The following NTSR1 variants were observed in gnomAD, a reference collection of about 807,000 sequenced individuals.
The protein encoded by NTSR1 is neurotensin receptor 1, also known as neurotensin receptor type 1.
Under a neutral mutation model 31.2 loss-of-function variants are expected in NTSR1, and 29 were observed. The observed-to-expected ratio is 0.93, with a 90% CI of 0.69 to 1.27. The LOEUF (loss-of-function observed/expected upper bound fraction) is 1.27, where lower values mean the gene tolerates loss of function less well. Ranked by LOEUF, NTSR1 falls within the 50% of genes most tolerant of loss-of-function variation. NTSR1 has a pLI of 0.00. For missense variants in NTSR1, 697 were observed against 595.4 expected (o/e 1.17, Z -1.78); for synonymous variants, 282 against 269.9 (o/e 1.04, Z -0.44).
rs1465001230 is a variant in NTSR1, at chr20:62,760,409, C to T, written c.*142C>T. The T allele has an allele frequency of 5.1e-6, 4 of 782,360 alleles. No individual in the cohort carries two copies. The highest frequency in any genetic ancestry group is 7.8e-6 in the Non-Finnish European group (4 of 512,416). The allele number at this position is 782,360 out of a possible 1,614,324, so 48.5% of individuals were successfully genotyped here. A position where few individuals can be genotyped will look rare whatever the true frequency, so the allele number is the denominator to read the frequency against. ...TGGAGTCTGAGGCCTGGGACCCCCC[C>T]CTCCCACCCCCTAACCCATGTTTCT... On this transcript the variant is annotated 3_prime_UTR_variant, in exon 4 of 4. Coordinates refer to ENST00000370501, the MANE Select transcript of NTSR1 (RefSeq NM_002531.3).
chr20:62,755,002 A>G (rs955554530), intron 2 of NTSR1, 116 bp downstream of exon 2: 3 of 1,054,982 alleles, frequency 2.8e-6, no homozygotes, highest in Non-Finnish European at 4.0e-6. Context: ...TGGAGCTGTC[A>G]GGCCAAGACC....
At chr20:62,720,332 A>G (rs1034483849) in intron 1 of NTSR1, among the ~76,000 whole-genome samples, 4 of 152,270 alleles carry the variant, frequency 2.6e-5, no homozygotes, top group Non-Finnish European at 4.4e-5. Flanking sequence ...ATAAAGGAAT[A>G]TTCAGGTTAT....
chr20:62,726,787 G>A (rs1988914275), intron 1 of NTSR1, among the ~76,000 whole-genome samples: 1 of 152,170 alleles, frequency 6.6e-6, no homozygotes, highest in South Asian at 2.1e-4. Flanking sequence ...TGCTCCCCGA[G>A]GCACAGGCAC....
chr20:62,743,846 G>A lies in NTSR1; in HGVS notation c.715-10839G>A, dbSNP rs551384577. 1.6e-4 allele frequency among the ~76,000 whole-genome samples: 25 copies of A among 152,078 alleles called. No individual in the cohort carries two copies. The highest frequency in any genetic ancestry group is 3.4e-4 in the African/African-American group (14 of 41,390). ...TGCCTGAGGTCGAGGGGCTGAGGCC[G>A]GCTGTCTGGAGCCTGTGTCGGGGGC... is the stretch of plus-strand genomic sequence containing the variant. On this transcript the variant is annotated intron_variant, in intron 1 of 3. Transcript: ENST00000370501. The surrounding 1 kb of genome is among the most constrained non-coding windows in gnomAD (Gnocchi z 7.5).
chr20:62,748,992 G>T (rs200227972), intron 1 of NTSR1, among the ~76,000 whole-genome samples: 1 of 152,108 alleles, frequency 6.6e-6, no homozygotes, highest in Non-Finnish European at 1.5e-5. Flanking sequence ...CCATAACCAT[G>T]ATAAATACCT....
At chr20:62,754,178 G>C (rs906781320) in intron 1 of NTSR1, among the ~76,000 whole-genome samples, 8 of 152,168 alleles carry the variant, frequency 5.3e-5, no homozygotes, top group Non-Finnish European at 1.0e-4. Context: ...GGGTGGGAGG[G>C]AGGAAGGGGC....
In NTSR1 at chr20:62,709,029, G is replaced by C. The variant is rs1988531757; in HGVS notation, c.-179G>C. On this transcript the variant is annotated 5_prime_UTR_variant, in exon 1 of 4. Coordinates refer to ENST00000370501, the MANE Select transcript of NTSR1 (RefSeq NM_002531.3). Reference sequence around the variant, plus strand: ...GGAGGAGAGCGGAGCCCGGAGCCCGGAGCCCGGGGCGGCGCGTCTGGGTCT... The same window carrying C: ...GGAGGAGAGCGGAGCCCGGAGCCCGCAGCCCGGGGCGGCGCGTCTGGGTCT... 1 of 473,684 alleles carries C rather than the reference G, an allele frequency of 2.1e-6. No homozygotes were observed. Among genetic ancestry groups the C allele is most frequent in the Non-Finnish European group, 3.6e-6 (1 of 277,250 alleles). The allele number at this position is 473,684 out of a possible 1,614,324, so 29.3% of individuals were successfully genotyped here. A position where few individuals can be genotyped will look rare whatever the true frequency, so the allele number is the denominator to read the frequency against.
chr20:62,729,849 C>T (rs1988974264), intron 1 of NTSR1, among the ~76,000 whole-genome samples: 1 of 152,110 alleles, frequency 6.6e-6, no homozygotes, highest in Non-Finnish European at 1.5e-5. Flanking sequence ...TCTCAAACTC[C>T]TGACCTCAAG....
chr20:62,713,145 C>T (rs948578764), intron 1 of NTSR1, among the ~76,000 whole-genome samples: 2 of 152,226 alleles, frequency 1.3e-5, no homozygotes, highest in Admixed American at 6.5e-5. Flanking sequence ...CCTGAGCAGC[C>T]GTGAGGACTC....
At chr20:62,710,530 A>G (rs998407118) in intron 1 of NTSR1, among the ~76,000 whole-genome samples, 5 of 152,194 alleles carry the variant, frequency 3.3e-5, no homozygotes, top group African/African-American at 7.2e-5. Flanking sequence ...GCTCACAGGC[A>G]CTATTATTGC....
chr20:62,726,572 C>T (rs886771976), intron 1 of NTSR1, among the ~76,000 whole-genome samples: 2 of 152,060 alleles, frequency 1.3e-5, no homozygotes, highest in Non-Finnish European at 2.9e-5. Context: ...CTGGCTGGTG[C>T]CTGTGGCCCC....
chr20:62,714,540 G>T lies in NTSR1; in HGVS notation c.714+4619G>T, dbSNP rs1313935922. On this transcript the variant is annotated intron_variant, in intron 1 of 3. Coordinates refer to ENST00000370501, the MANE Select transcript of NTSR1 (RefSeq NM_002531.3). This position sits in a 1 kb window ranked among gnomAD's most constrained non-coding sequence, Gnocchi z 4.1. The stretch of plus-strand genomic sequence containing the variant: ...CTGCTGGGGTCACGAAGGGGAGAGA[G>T]TTAGGTGTGAGGTGAGCCCTGGTGT... 6.6e-6 allele frequency among the ~76,000 whole-genome samples: 1 copy of T among 152,170 alleles called. No individual in the cohort carries two copies. Among genetic ancestry groups the T allele is most frequent in the Non-Finnish European group, 1.5e-5 (1 of 68,034 alleles).
intron 1 of NTSR1, among the ~76,000 whole-genome samples, chr20:62,710,727 G>A (rs1371546253): frequency 6.6e-6 from 1 of 152,172 alleles, no homozygotes; most frequent in African/African-American, 2.4e-5. Flanking sequence ...TCGTGGCACG[G>A]GGGGTTCCAG....
At chr20:62,748,175 CAAAAAA>C (rs34449464) in intron 1 of NTSR1, among the ~76,000 whole-genome samples, 1 of 78,896 alleles carries the variant, frequency 1.3e-5, no homozygotes, top group East Asian at 4.6e-4. Flanking sequence ...GAATCTGTCT[CAAAAAA>C]AAAAAAAAAA....
Position 62,745,555 on chromosome 20 carries a change from G to C in NTSR1, c.715-9130G>C, listed in dbSNP as rs190276121. On this transcript the variant is annotated intron_variant, in intron 1 of 3. Transcript: ENST00000370501. The surrounding 1 kb of genome is among the most constrained non-coding windows in gnomAD (Gnocchi z 4.1). ...ACAGAGGAAAACACACAGATATACA[G>C]AGAGAGACACAACAGAGACAGACAC... is the stretch of plus-strand genomic sequence containing the variant. Among the ~76,000 whole-genome samples, 1 of 152,110 alleles carries C rather than the reference G, an allele frequency of 6.6e-6. No individual in the cohort carries two copies. Among genetic ancestry groups the C allele is most frequent in the East Asian group, 1.9e-4 (1 of 5,172 alleles).
intron 1 of NTSR1, among the ~76,000 whole-genome samples, chr20:62,726,169 T>G (rs1024237449): frequency 1.3e-4 from 20 of 152,280 alleles, no homozygotes; most frequent in African/African-American, 4.6e-4. Flanking sequence ...CAACCCTTTC[T>G]GTGGGGCTGC....
chr20:62,743,686 C>G lies in NTSR1; in HGVS notation c.715-10999C>G, dbSNP rs1269115258. The stretch of plus-strand genomic sequence containing the variant: ...GGGTTTTGCACCTTCCCACTCAGCA[C>G]AGGCTGGCTGCGGAGCCGGGAAGCA... On this transcript the variant is annotated intron_variant, in intron 1 of 3. Coordinates refer to ENST00000370501, the MANE Select transcript of NTSR1 (RefSeq NM_002531.3). The surrounding 1 kb of genome is among the most constrained non-coding windows in gnomAD (Gnocchi z 7.5). Among the ~76,000 whole-genome samples the G allele has an allele frequency of 6.6e-6, 1 of 152,200 alleles. No individual in the cohort carries two copies. The highest frequency in any genetic ancestry group is 1.5e-5 in the Non-Finnish European group (1 of 68,042).
rs906593292 is a variant in NTSR1 at position 62,711,840 on chromosome 20, G to A, written c.714+1919G>A. On this transcript the variant is annotated intron_variant, in intron 1 of 3. Coordinates refer to ENST00000370501, the MANE Select transcript of NTSR1 (RefSeq NM_002531.3). The surrounding 1 kb of genome is among the most constrained non-coding windows in gnomAD (Gnocchi z 6.4). ...CCCAGCCTTGTTGCTCAGAGGCTGC[G>A]AGGCAGATTTGGCCAAGTCACGCTA... Among the ~76,000 whole-genome samples, 10 of 152,152 alleles carry A rather than the reference G, an allele frequency of 6.6e-5. No homozygotes were observed. The highest frequency in any genetic ancestry group is 1.3e-4 in the Non-Finnish European group (9 of 68,032).
Position 62,711,130 on chromosome 20 carries a change from C to G in NTSR1, c.714+1209C>G, listed in dbSNP as rs1455345213. Among the ~76,000 whole-genome samples the G allele has an allele frequency of 6.6e-6, 1 of 152,152 alleles. No homozygotes were observed. Among genetic ancestry groups the G allele is most frequent in the Non-Finnish European group, 1.5e-5 (1 of 68,006 alleles). ...CCCTAACTGACCCTCCACTGGCCAC[C>G]ACCCAGGTGGGCTGGGGGGTGGAGG... On this transcript the variant is annotated intron_variant, in intron 1 of 3. Coordinates refer to ENST00000370501, the MANE Select transcript of NTSR1 (RefSeq NM_002531.3). The surrounding 1 kb of genome is among the most constrained non-coding windows in gnomAD (Gnocchi z 6.4).
Sources: gnomAD v4.1 joint callset for allele counts (sites outside exome capture counted in the v4.1 genomes callset) on GRCh38, gnomAD v4.1.1 for gene constraint, Gnocchi (gnomAD v3.1) non-coding constraint, MANE v1.5 for transcripts, NCBI Gene and HGNC (gene_info 2026-07-23, HGNC 2026-07-21) for gene names.